Variants in PRKAR1A observed in about 807,000 individuals in gnomAD.
PRKAR1A encodes protein kinase cAMP-dependent type I regulatory subunit alpha, also known as cAMP-dependent protein kinase type I-alpha regulatory subunit.
A neutral mutation model predicts 52.0 loss-of-function variants in PRKAR1A; 3 were observed. That is an observed-to-expected ratio of 0.06 (90% CI 0.03 to 0.15). The LOEUF is 0.15. Ranked by LOEUF, PRKAR1A falls within the 10% of genes least tolerant of loss-of-function variation. PRKAR1A has a pLI of 1.00. For synonymous variants in PRKAR1A, 188 were observed against 168.4 expected (o/e 1.12, Z -0.90); for missense variants, 240 against 477.4 (o/e 0.50, Z 4.63).
At chr17:68,492,229 CAGA>C in the PRKAR1A span, among the ~76,000 whole-genome samples, 261 of 152,300 alleles carry the variant, frequency 1.7e-3, 2 homozygotes, top group African/African-American at 5.9e-3. Context: ...CACAGGAAAA[CAGA>C]AGAACAGGCA....
Position 68,530,983 on chromosome 17 carries a change from A to G in PRKAR1A, c.*534A>G. 2 of 1,076,286 alleles carry G rather than the reference A, an allele frequency of 1.9e-6. No homozygotes were observed. The highest frequency in any genetic ancestry group is 2.3e-6 in the Non-Finnish European group (2 of 884,812). 66.7% of individuals were successfully genotyped at this position (1,076,286 alleles called of 1,614,324 possible). On this transcript the variant is annotated 3_prime_UTR_variant, in exon 11 of 11. Coordinates refer to ENST00000589228, the MANE Select transcript of PRKAR1A (RefSeq NM_002734.5). ...ATTAAACTAGTTTAAGGGTGGAAAAATGCCCATTTTTGCTAATTATCAATG... is the reference window on the plus strand; with the variant it reads ...ATTAAACTAGTTTAAGGGTGGAAAAGTGCCCATTTTTGCTAATTATCAATG...
downstream of PRKAR1A, chr17:68,535,927 C>T (rs1415985066): frequency 2.2e-6 from 1 of 453,916 alleles, no homozygotes; most frequent in Non-Finnish European, 4.4e-6. Context: ...TGTGATTTTG[C>T]TTACTCTCTC....
At chr17:68,480,632 C>T in the PRKAR1A span, among the ~76,000 whole-genome samples, 2 of 152,208 alleles carry the variant, frequency 1.3e-5, no homozygotes, top group Non-Finnish European at 2.9e-5. Flanking sequence ...ACTGCAGCCT[C>T]AACCTCCTGG....
the PRKAR1A span, chr17:68,427,407 A>T: frequency 1.8e-6 from 1 of 553,878 alleles, no homozygotes; most frequent in South Asian, 2.3e-5. Flanking sequence ...CCCAGGCTGG[A>T]GTGCAGTGGC....
the PRKAR1A span, among the ~76,000 whole-genome samples, chr17:68,500,517 T>C: frequency 5.4e-3 from 819 of 152,036 alleles, 2 homozygotes; most frequent in Non-Finnish European, 8.4e-3. Context: ...GAGTATTTTT[T>C]TTTTTTTTTT....
chr17:68,537,858 C>T (rs1191872072), downstream of PRKAR1A: 3 of 1,147,922 alleles, frequency 2.6e-6, no homozygotes, highest in African/African-American at 3.1e-5. This position sits in a 1 kb window ranked among gnomAD's most constrained non-coding sequence, Gnocchi z 4.2. Context: ...CTCCTTGTGT[C>T]TTCTCAGGCA....
chr17:68,489,228 A>ATG, the PRKAR1A span, among the ~76,000 whole-genome samples: 7 of 34,090 alleles, frequency 2.1e-4, no homozygotes, highest in African/African-American at 1.0e-3. Flanking sequence ...ATATATATAT[A>ATG]TGGAAAGTAT....
At chr17:68,526,062 A>G in intron 7 of PRKAR1A, 150 bp downstream of exon 7, 3 of 1,079,564 alleles carry the variant, frequency 2.8e-6, no homozygotes, top group Non-Finnish European at 4.0e-6. Flanking sequence ...TTAATGAGCA[A>G]ATACTTTGCA....
chr17:68,501,126 T>A, the PRKAR1A span, among the ~76,000 whole-genome samples: 1 of 152,176 alleles, frequency 6.6e-6, no homozygotes, highest in Non-Finnish European at 1.5e-5. Flanking sequence ...AGAAGTGTCA[T>A]CTTGGTTTCC....
At chr17:68,497,819 C>G in the PRKAR1A span, among the ~76,000 whole-genome samples, 1 of 152,094 alleles carries the variant, frequency 6.6e-6, no homozygotes, top group Non-Finnish European at 1.5e-5. Flanking sequence ...GCTATGCTGC[C>G]TCACGAAAGA....
chr17:68,546,887 G>A (rs1307040607), intron 11 of PRKAR1A, among the ~76,000 whole-genome samples: 2 of 151,580 alleles, frequency 1.3e-5, no homozygotes, highest in African/African-American at 4.9e-5. Flanking sequence ...CTTGATCTGT[G>A]GGCTGCAGAA....
intron 2 of PRKAR1A, among the ~76,000 whole-genome samples, chr17:68,520,701 G>T (rs1439545796): frequency 6.6e-6 from 1 of 152,264 alleles, no homozygotes; most frequent in Non-Finnish European, 1.5e-5. Context: ...GTCAGATTAG[G>T]TTATATTCAG....
chr17:68,431,878 C>A, the PRKAR1A span, among the ~76,000 whole-genome samples: 1 of 151,708 alleles, frequency 6.6e-6, no homozygotes, highest in African/African-American at 2.4e-5. Context: ...TGATAATAAT[C>A]CCCAGTGGAG....
At chr17:68,453,228 C>A in the PRKAR1A span, among the ~76,000 whole-genome samples, 37,588 of 151,918 alleles carry the variant, frequency 0.25, 4,970 homozygotes, top group Non-Finnish European at 0.28. Context: ...GATCAAGGGG[C>A]ATGAAACTGC....
chr17:68,531,693 T>A lies in PRKAR1A; in HGVS notation c.*1244T>A, dbSNP rs9925. 1 of 1,064,656 alleles carries A rather than the reference T, an allele frequency of 9.4e-7. No homozygotes were observed. The highest frequency in any genetic ancestry group is 4.6e-5 in the South Asian group (1 of 21,942). The allele number at this position is 1,064,656 out of a possible 1,614,324, so 66.0% of individuals were successfully genotyped here. ...CCTGCTTTCCTATCTAGCATTTATT[T>A]CTCTGGCAAACTTTTCTTTCTTTTC... is the stretch of plus-strand genomic sequence containing the variant. On this transcript the variant is annotated 3_prime_UTR_variant, in exon 11 of 11. Transcript: ENST00000589228.
chr17:68,428,852 C>T, the PRKAR1A span: 4 of 1,613,952 alleles, frequency 2.5e-6, no homozygotes, highest in Non-Finnish European at 3.4e-6. Context: ...TTAAGACACA[C>T]TCTCCTCCAT....
At chr17:68,522,488 CATGTT>C (rs765879898) in intron 2 of PRKAR1A, among the ~76,000 whole-genome samples, 1 of 152,198 alleles carries the variant, frequency 6.6e-6, no homozygotes. Flanking sequence ...TTGTTACTCA[CATGTT>C]ATGTGAGTAC....
chr17:68,457,579 C>CG, the PRKAR1A span: 5 of 377,544 alleles, frequency 1.3e-5, no homozygotes, highest in Non-Finnish European at 1.3e-5. Flanking sequence ...CACCCCGCCC[C>CG]TACCCCGCCC....
the PRKAR1A span, among the ~76,000 whole-genome samples, chr17:68,497,280 T>TAGTGGTGAAGGTG: frequency 6.6e-6 from 1 of 152,200 alleles, no homozygotes; most frequent in African/African-American, 2.4e-5. Context: ...TTTCACACTA[T>TAGTGGTGAAGGTG]AGTGGTGAAG....
Sources: gnomAD v4.1 joint callset for allele counts (sites outside exome capture counted in the v4.1 genomes callset) on GRCh38, gnomAD v4.1.1 for gene constraint, Gnocchi (gnomAD v3.1) non-coding constraint, MANE v1.5 for transcripts, NCBI Gene and HGNC (gene_info 2026-07-23, HGNC 2026-07-21) for gene names.